OPHN1: variants seen among roughly 807,000 people sequenced by gnomAD.
The protein encoded by OPHN1 is oligophrenin-1.
OPHN1 carries 11 observed loss-of-function variants against 60.7 expected under a neutral mutation model. The observed-to-expected ratio is 0.18, with a 90% CI of 0.11 to 0.30. OPHN1 has a LOEUF of 0.30. Among genes scored for constraint, OPHN1 ranks in the 10% least tolerant of loss-of-function variants. The probability of loss-of-function intolerance (pLI) is 1.00; values close to 1 mark genes in which losing one functional copy is unlikely to be tolerated. For synonymous variants in OPHN1, 226 were observed against 222.6 expected (o/e 1.02, Z -0.14); for missense variants, 449 against 611.0 (o/e 0.73, Z 2.80).
intron 6 of OPHN1, among the ~76,000 whole-genome samples, chrX:68,220,711 G>T (rs1354772990): frequency 1.1e-5 from 1 of 89,773 alleles, no homozygotes; most frequent in East Asian, 3.7e-4. Context: ...GGCAGAAAAA[G>T]CCTTTGACAA....
intron 5 of OPHN1, among the ~76,000 whole-genome samples, chrX:68,257,600 A>G (rs2077870529): frequency 8.9e-6 from 1 of 111,814 alleles, no homozygotes; most frequent in African/African-American, 3.2e-5. Flanking sequence ...TAGCTCCCTT[A>G]CCTTCCTCTA....
At chrX:68,137,812 G>T (rs1054431207) in intron 15 of OPHN1, among the ~76,000 whole-genome samples, 11 of 111,467 alleles carry the variant, frequency 9.9e-5, no homozygotes, top group African/African-American at 2.9e-4. Flanking sequence ...TTTTATTAAT[G>T]ACCTAATCTC....
intron 2 of OPHN1, among the ~76,000 whole-genome samples, chrX:68,338,817 G>A (rs957816784): frequency 9.0e-6 from 1 of 111,106 alleles, no homozygotes; most frequent in African/African-American, 3.3e-5. Flanking sequence ...GCTCACGCCT[G>A]TAATCCCAAC....
At chrX:68,053,925 C>A in intron 21 of OPHN1, 115 bp from the exon 22 acceptor site, 1 of 703,829 alleles carries the variant, frequency 1.4e-6, no homozygotes, top group Non-Finnish European at 2.1e-6. Context: ...TCCATTTCTT[C>A]TTGGTGACTA....
At chrX:68,241,021 ATTAATTT>A (rs1349164016) in intron 5 of OPHN1, among the ~76,000 whole-genome samples, 1 of 111,828 alleles carries the variant, frequency 8.9e-6, no homozygotes, top group Non-Finnish European at 1.9e-5. Flanking sequence ...ATGTTTTATC[ATTAATTT>A]TTAATTTTAT....
chrX:68,320,353 A>C (rs1461778961), intron 2 of OPHN1, among the ~76,000 whole-genome samples: 5 of 111,131 alleles, frequency 4.5e-5, no homozygotes, highest in Non-Finnish European at 1.9e-5. Flanking sequence ...CGTCTCAAAA[A>C]AATATATATA....
Position 68,160,944 on chromosome X carries a change from A to G in OPHN1, c.1276+31975T>C, listed in dbSNP as rs189555376. Among the ~76,000 whole-genome samples, 406 of 111,304 alleles carry G rather than the reference A, an allele frequency of 3.6e-3. 7 individuals carry two copies. Among genetic ancestry groups the G allele is most frequent in the Admixed American group, 0.034 (353 of 10,369 alleles). On this transcript the variant is annotated intron_variant, in intron 15 of 24. Coordinates refer to ENST00000355520, the MANE Select transcript of OPHN1 (RefSeq NM_002547.3). ...AATGAAATAGAGAATCAAAAAATAA[A>G]CATAATTAACGAAATATGAAAAACA... is the stretch of plus-strand genomic sequence containing the variant.
chrX:68,429,697 T>C (rs1191061456), intron 2 of OPHN1, among the ~76,000 whole-genome samples: 4 of 111,365 alleles, frequency 3.6e-5, no homozygotes, highest in Non-Finnish European at 7.5e-5. Flanking sequence ...TACTCCAGCC[T>C]GGGCAACAAA....
chrX:68,376,445 G>C (rs948418534), intron 2 of OPHN1, among the ~76,000 whole-genome samples: 5 of 111,201 alleles, frequency 4.5e-5, no homozygotes, highest in Non-Finnish European at 1.9e-5. Context: ...AGATAAATGA[G>C]ATGGAAAGGG....
At chrX:68,400,342 C>T (rs956323534) in intron 2 of OPHN1, among the ~76,000 whole-genome samples, 25 of 111,549 alleles carry the variant, frequency 2.2e-4, no homozygotes, top group African/African-American at 7.8e-4. Context: ...AGTCACAACC[C>T]TCTACCGGTG....
At chrX:68,214,024 G>A in intron 6 of OPHN1, 52 bp from the exon 7 acceptor site, 1 of 732,159 alleles carries the variant, frequency 1.4e-6, no homozygotes, top group Non-Finnish European at 2.1e-6. Flanking sequence ...ATTCATGAAA[G>A]TCAGTACTTA....
At position 68,071,569 on chromosome X, in the gene OPHN1, G is replaced by C. The variant is rs962293231; in HGVS notation, c.1834+1583C>G. ...TTGTCAGGCATAGGGACACCATCAG[G>C]CTGGCCTAGGTGGCTCATAAGGACT... On this transcript the variant is annotated intron_variant, in intron 20 of 24. Transcript: ENST00000355520. 8 of 585,553 alleles carry C rather than the reference G, an allele frequency of 1.4e-5. No individual in the cohort carries two copies. In the African/African-American group the frequency reaches 1.8e-4, roughly 13 times the overall value. 48.3% of individuals were successfully genotyped at this position (585,553 alleles called of 1,213,427 possible). A position where few individuals can be genotyped will look rare whatever the true frequency, so the allele number is the denominator to read the frequency against.
chrX:68,295,046 G>A (rs1319542041), intron 3 of OPHN1, among the ~76,000 whole-genome samples: 1 of 111,409 alleles, frequency 9.0e-6, no homozygotes, highest in South Asian at 3.8e-4. Context: ...CAAAATGCTC[G>A]CTGATGTTAT....
chrX:68,189,496 C>A, intron 15 of OPHN1, among the ~76,000 whole-genome samples: 1 of 106,015 alleles, frequency 9.4e-6, no homozygotes, highest in South Asian at 4.4e-4. Flanking sequence ...CTAATGCTAT[C>A]CCTCCCACCT....
chrX:68,118,219 T>A (rs2077135641), intron 16 of OPHN1, among the ~76,000 whole-genome samples: 1 of 111,250 alleles, frequency 9.0e-6, no homozygotes, highest in Non-Finnish European at 1.9e-5. Flanking sequence ...GTGGTGCACC[T>A]TGGTTTCCTC....
At chrX:68,113,059 T>A (rs2077111776) in intron 17 of OPHN1, 122 bp downstream of exon 17, 2 of 512,094 alleles carry the variant, frequency 3.9e-6, no homozygotes, top group Non-Finnish European at 3.4e-6. Flanking sequence ...TGTGCATAAT[T>A]TGTGTATGTG....
intron 6 of OPHN1, among the ~76,000 whole-genome samples, chrX:68,233,166 G>T (rs957205307): frequency 9.0e-6 from 1 of 111,712 alleles, no homozygotes; most frequent in Non-Finnish European, 1.9e-5. Context: ...GACCTCAAGA[G>T]ATCCACCTGC....
intron 16 of OPHN1, among the ~76,000 whole-genome samples, chrX:68,117,836 G>A (rs1026027048): frequency 2.0e-4 from 22 of 111,506 alleles, no homozygotes; most frequent in Admixed American, 1.5e-3. Context: ...TGGGGGTGCC[G>A]CCCACTCGCA....
chrX:68,338,995 T>G (rs1172714703), intron 2 of OPHN1, among the ~76,000 whole-genome samples: 3 of 106,555 alleles, frequency 2.8e-5, no homozygotes, highest in African/African-American at 1.0e-4. Context: ...GAAGGGTCAC[T>G]TGAGCCCAGG....
Sources: gnomAD v4.1 joint callset for allele counts (sites outside exome capture counted in the v4.1 genomes callset) on GRCh38, gnomAD v4.1.1 for gene constraint, MANE v1.5 for transcripts, NCBI Gene and HGNC (gene_info 2026-07-23, HGNC 2026-07-21) for gene names.